Variants in ALG10B observed in about 807,000 individuals in gnomAD.
ALG10B encodes the protein dol-P-Glc:Glc(2)Man(9)GlcNAc(2)-PP-Dol alpha-1,2-glucosyltransferase B.
Under a neutral mutation model 38.7 loss-of-function variants are expected in ALG10B, and 27 were observed. The observed-to-expected ratio is 0.70, with a 90% CI of 0.51 to 0.96. ALG10B has a LOEUF of 0.96. ALG10B is among the 40% of genes least tolerant of loss of function. The pLI is 0.00. For synonymous variants in ALG10B, 177 were observed against 193.3 expected (o/e 0.92, Z 0.70); for missense variants, 522 against 542.7 (o/e 0.96, Z 0.38).
chr12:38,318,431 T>C lies in ALG10B; in HGVS notation c.342T>C (p.Leu114=). The change falls in exon 2 of 3, where the codon CTT becomes CTC. Residue 114 remains leucine (L), a synonymous_variant. Transcript: ENST00000308742. ...SVGNFYLLYL[L]FHKVQPRNKA... is the part of the protein sequence containing the mutation. Reference sequence around the variant, plus strand: ...GCAACTTCTATTTACTATATTTGCTTTTCCACAAGGTACAACCCAGAAACA... The same window carrying C: ...GCAACTTCTATTTACTATATTTGCTCTTCCACAAGGTACAACCCAGAAACA... The C allele has an allele frequency of 6.2e-7, 1 of 1,614,186 alleles. No individual in the cohort carries two copies. Among genetic ancestry groups the C allele is most frequent in the Non-Finnish European group, 8.5e-7 (1 of 1,180,020 alleles).
At position 38,320,867 on chromosome 12, in the gene ALG10B, G is replaced by A; in HGVS notation, c.1076G>A (p.Trp359Ter). 6.2e-7 allele frequency: 1 copy of A among 1,613,296 alleles called. No homozygotes were observed. Among genetic ancestry groups the A allele is most frequent in the Non-Finnish European group, 8.5e-7 (1 of 1,179,784 alleles). ...ADNRHYTFYV[W>*]KRVFQRYAIL... is the part of the protein sequence containing the mutation. ...AATAGACATTATACTTTCTATGTGT[G>A]GAAAAGAGTTTTTCAAAGATATGCA... is the stretch of plus-strand genomic sequence containing the variant. The change falls in exon 3 of 3, where the codon TGG becomes TAG. Residue 359 changes from tryptophan to a stop codon, truncating the protein, a stop_gained. Coordinates refer to ENST00000308742, the MANE Select transcript of ALG10B (RefSeq NM_001013620.4). LOFTEE classifies it high-confidence loss of function.
chr12:38,321,126 A>C lies in ALG10B; in HGVS notation c.1335A>C (p.Ala445=). The change falls in exon 3 of 3, where the codon GCA becomes GCC. Residue 445 remains alanine, a synonymous_variant. Transcript: ENST00000308742. ...SRLVCELSCY[A]IVNFITFYIF... The stretch of plus-strand genomic sequence containing the variant: ...TTGTTTGTGAACTGAGTTGCTATGC[A>C]ATTGTTAATTTCATAACTTTTTACA... The C allele has an allele frequency of 6.2e-6, 10 of 1,613,638 alleles. No individual in the cohort carries two copies. The highest frequency in any genetic ancestry group is 8.5e-6 in the Non-Finnish European group (10 of 1,179,758).
In ALG10B at chr12:38,328,472, T is replaced by G. The variant is rs1945764644; in HGVS notation, c.*7259T>G. 6.6e-6 allele frequency: 1 copy of G among 152,308 alleles called. No homozygotes were observed. Among genetic ancestry groups the G allele is most frequent in the East Asian group, 1.9e-4 (1 of 5,184 alleles). 9.4% of individuals were successfully genotyped at this position (152,308 alleles called of 1,614,324 possible). ...TTTTCCGCCAGTGATAAAAAAAGGC[T>G]GAGCACTATCTGTAAAAATTTTTAA... On this transcript the variant is annotated 3_prime_UTR_variant, in exon 3 of 3. Coordinates refer to ENST00000308742, the MANE Select transcript of ALG10B (RefSeq NM_001013620.4).
At chr12:38,317,631 T>C (rs1385010083) in intron 1 of ALG10B, 1 of 166,972 alleles carries the variant, frequency 6.0e-6, no homozygotes, top group African/African-American at 2.4e-5. Context: ...CATATAAATA[T>C]CAAAATAAAC....
At position 38,321,603 on chromosome 12, in the gene ALG10B, T is replaced by G. The variant is rs1945705735; in HGVS notation, c.*390T>G. 6.5e-6 allele frequency: 1 copy of G among 153,512 alleles called. No homozygotes were observed. The highest frequency in any genetic ancestry group is 2.1e-4 in the South Asian group (1 of 4,832). 9.5% of individuals were successfully genotyped at this position (153,512 alleles called of 1,614,324 possible). ...TAGGTTAGTGCAAAAGTAATTGTGGTTTTTGCCATTGAAAGTAATGGCAAA... is the reference window on the plus strand; with the variant it reads ...TAGGTTAGTGCAAAAGTAATTGTGGGTTTTGCCATTGAAAGTAATGGCAAA... On this transcript the variant is annotated 3_prime_UTR_variant, in exon 3 of 3. Coordinates refer to ENST00000308742, the MANE Select transcript of ALG10B (RefSeq NM_001013620.4).
rs377709931 is a variant in ALG10B at position 38,323,849 on chromosome 12, A to T, written c.*2636A>T. 3.3e-5 allele frequency: 23 copies of T among 698,294 alleles called. No homozygotes were observed. Among genetic ancestry groups the T allele is most frequent in the African/African-American group, 1.4e-4 (8 of 56,892 alleles). The allele number at this position is 698,294 out of a possible 1,614,324, so 43.3% of individuals were successfully genotyped here. On this transcript the variant is annotated 3_prime_UTR_variant, in exon 3 of 3. Coordinates refer to ENST00000308742, the MANE Select transcript of ALG10B (RefSeq NM_001013620.4). ...TCTGGGAAGTCAAAATTGAAAAAAG[A>T]ATGTGTAATTTAGGGAAAGTAACTT...
chr12:38,327,316 T>C lies in ALG10B; in HGVS notation c.*6103T>C, dbSNP rs1238408683. 2 of 152,096 alleles carry C rather than the reference T, an allele frequency of 1.3e-5. No individual in the cohort carries two copies. The highest frequency in any genetic ancestry group is 2.4e-5 in the African/African-American group (1 of 41,402). 9.4% of individuals were successfully genotyped at this position (152,096 alleles called of 1,614,324 possible). A position where few individuals can be genotyped will look rare whatever the true frequency, so the allele number is the denominator to read the frequency against. ...CACAGTGAAACTTAATTCAGTTTAG[T>C]TGAACCATATATGTGTGTGTATGGC... On this transcript the variant is annotated 3_prime_UTR_variant, in exon 3 of 3. Transcript: ENST00000308742.
rs1945750288 is a variant in ALG10B at position 38,327,040 on chromosome 12, TATATATACAA to T, written c.*5836_*5845del. On this transcript the variant is annotated 3_prime_UTR_variant, in exon 3 of 3. Transcript: ENST00000308742. ...AAAAGAAAATACATATATATATATT[TATATATACAA>T]ATATATACGTATTTATATATACAAA... 1 of 149,420 alleles carries T rather than the reference TATATATACAA, an allele frequency of 6.7e-6. No homozygotes were observed. Among genetic ancestry groups the T allele is most frequent in the African/African-American group, 2.4e-5 (1 of 40,986 alleles). 9.3% of individuals were successfully genotyped at this position (149,420 alleles called of 1,614,324 possible). A position where few individuals can be genotyped will look rare whatever the true frequency, so the allele number is the denominator to read the frequency against.
At position 38,320,623 on chromosome 12, in the gene ALG10B, G is replaced by A. The variant is rs774203610; in HGVS notation, c.832G>A (p.Asp278Asn). ...AGTTAATGGTGGAATTGTTATTGGC[G>A]ATCGGAGTAGTCATGAAGCCTGTCT... ...VVVNGGIVIG[D>N]RSSHEACLHF... Residue 278 changes from aspartate to asparagine, a missense_variant, in exon 3 of 3, where the codon GAT becomes AAT. By Grantham distance (23) the Asp-to-Asn change is conservative. Coordinates refer to ENST00000308742, the MANE Select transcript of ALG10B (RefSeq NM_001013620.4). 9 of 1,613,820 alleles carry A rather than the reference G, an allele frequency of 5.6e-6. No homozygotes were observed. The highest frequency in any genetic ancestry group is 2.2e-5 in the South Asian group (2 of 91,074).
rs1470489409 is a variant in ALG10B at position 38,328,695 on chromosome 12, A to C, written c.*7482A>C. On this transcript the variant is annotated 3_prime_UTR_variant, in exon 3 of 3. Transcript: ENST00000308742. ...TAAGATAAATGTAAAAAAAACAAAC[A>C]AAAAAAACCTCACTTTGTGTTTTGT... The C allele has an allele frequency of 2.0e-5, 3 of 149,834 alleles. No individual in the cohort carries two copies. The highest frequency in any genetic ancestry group is 5.1e-5 in the African/African-American group (2 of 39,112). The allele number at this position is 149,834 out of a possible 1,614,324, so 9.3% of individuals were successfully genotyped here. A position where few individuals can be genotyped will look rare whatever the true frequency, so the allele number is the denominator to read the frequency against.
Position 38,320,511 on chromosome 12 carries a change from T to G in ALG10B, c.720T>G (p.Tyr240Ter). The change falls in exon 3 of 3, where the codon TAT becomes TAG. Residue 240 changes from tyrosine (Y) to a stop codon, truncating the protein, a stop_gained. Transcript: ENST00000308742. LOFTEE classifies it high-confidence loss of function. ...AAATTCTTCAGTTTCTTTTGGCTTA[T>G]TCCATGTCCTTTAAAAACTTGAGTA... Reference protein sequence around the residue: ...FRKILQFLLAYSMSFKNLSML... With the variant: ...FRKILQFLLA 6.2e-7 allele frequency: 1 copy of G among 1,614,094 alleles called. No individual in the cohort carries two copies. Among genetic ancestry groups the G allele is most frequent in the South Asian group, 1.1e-5 (1 of 91,076 alleles).
chr12:38,324,079 C>A lies in ALG10B; in HGVS notation c.*2866C>A. 3.2e-6 allele frequency: 2 copies of A among 622,598 alleles called. No homozygotes were observed. The highest frequency in any genetic ancestry group is 5.6e-5 in the East Asian group (2 of 35,794). The allele number at this position is 622,598 out of a possible 1,614,324, so 38.6% of individuals were successfully genotyped here. ...AGAAGTCTCGCTCTTGTCCCCCAGG[C>A]TGGAATGCAATGGCGCGATCTTGGC... On this transcript the variant is annotated 3_prime_UTR_variant, in exon 3 of 3. Coordinates refer to ENST00000308742, the MANE Select transcript of ALG10B (RefSeq NM_001013620.4).
At chr12:38,317,868 T>C (rs1945668915) in intron 1 of ALG10B, 3 of 298,106 alleles carry the variant, frequency 1.0e-5, no homozygotes, top group Non-Finnish European at 1.9e-5. Context: ...ACAATTTCTG[T>C]CTCAGTTTAT....
Position 38,322,402 on chromosome 12 carries a change from C to T in ALG10B, c.*1189C>T, listed in dbSNP as rs1184532951. 21 of 152,196 alleles carry T rather than the reference C, an allele frequency of 1.4e-4. No individual in the cohort carries two copies. The highest frequency in any genetic ancestry group is 2.9e-4 in the Non-Finnish European group (20 of 68,034). 9.4% of individuals were successfully genotyped at this position (152,196 alleles called of 1,614,324 possible). A position where few individuals can be genotyped will look rare whatever the true frequency, so the allele number is the denominator to read the frequency against. On this transcript the variant is annotated 3_prime_UTR_variant, in exon 3 of 3. Coordinates refer to ENST00000308742, the MANE Select transcript of ALG10B (RefSeq NM_001013620.4). ...CATTGTCTCTTCATGGGATACTTTT[C>T]AGTCCATGACAGTTACTAAAGGACA...
In ALG10B at chr12:38,323,177, TA is replaced by T. The variant is rs993428848; in HGVS notation, c.*1966del. The T allele has an allele frequency of 6.6e-6, 1 of 152,132 alleles. No individual in the cohort carries two copies. The highest frequency in any genetic ancestry group is 2.4e-5 in the African/African-American group (1 of 41,426). 9.4% of individuals were successfully genotyped at this position (152,132 alleles called of 1,614,324 possible). On this transcript the variant is annotated 3_prime_UTR_variant, in exon 3 of 3. Coordinates refer to ENST00000308742, the MANE Select transcript of ALG10B (RefSeq NM_001013620.4). ...AATATCTTAGCTGATACCTTTTAAA[TA>T]ACTCTCAGTATCTTTACTGAGAGGT...
In ALG10B at chr12:38,321,122, A is replaced by G; in HGVS notation, c.1331A>G (p.Tyr444Cys). 4 of 1,613,712 alleles carry G rather than the reference A, an allele frequency of 2.5e-6. No homozygotes were observed. Among genetic ancestry groups the G allele is most frequent in the South Asian group, 1.1e-5 (1 of 90,992 alleles). The change falls in exon 3 of 3, where the codon TAT (tyrosine) becomes TGT (cysteine). Residue 444 changes from tyrosine (Y) to cysteine (C), a missense_variant. Coordinates refer to ENST00000308742, the MANE Select transcript of ALG10B (RefSeq NM_001013620.4). ...TSRLVCELSCYAIVNFITFYI... is the reference protein window; with the variant it reads ...TSRLVCELSCCAIVNFITFYI... ...AGACTTGTTTGTGAACTGAGTTGCT[A>G]TGCAATTGTTAATTTCATAACTTTT...
At position 38,320,392 on chromosome 12, in the gene ALG10B, A is replaced by G. The variant is rs1945691146; in HGVS notation, c.601A>G (p.Ile201Val). 7 of 1,614,104 alleles carry G rather than the reference A, an allele frequency of 4.3e-6. No individual in the cohort carries two copies. The highest frequency in any genetic ancestry group is 5.9e-6 in the Non-Finnish European group (7 of 1,179,974). Residue 201 changes from isoleucine (I) to valine (V), a missense_variant, in exon 3 of 3, where the codon ATT becomes GTT. Transcript: ENST00000308742. ...GGCTGTCTTCTGTGCAGGGAATGTCATTGCACAAAAGTTAACTGAGGCTTG... is the reference window on the plus strand; with the variant it reads ...GGCTGTCTTCTGTGCAGGGAATGTCGTTGCACAAAAGTTAACTGAGGCTTG... ...IWAVFCAGNV[I>V]AQKLTEAWKT...
At chr12:38,317,347 A>G (rs1945664813) in intron 1 of ALG10B, 1 of 503,542 alleles carries the variant, frequency 2.0e-6, no homozygotes, top group Non-Finnish European at 3.5e-6. Context: ...TATCGATCCC[A>G]CTTTGTTTTT....
Position 38,327,662 on chromosome 12 carries a change from A to G in ALG10B, c.*6449A>G, listed in dbSNP as rs1945757966. The G allele has an allele frequency of 6.6e-6, 1 of 152,062 alleles. No individual in the cohort carries two copies. The highest frequency in any genetic ancestry group is 1.5e-5 in the Non-Finnish European group (1 of 68,016). 9.4% of individuals were successfully genotyped at this position (152,062 alleles called of 1,614,324 possible). ...AAAGTTTTTTTTCAATTTTTTTTAA[A>G]TCAAAAGAAGTAGTATATGGAGAGA... On this transcript the variant is annotated 3_prime_UTR_variant, in exon 3 of 3. Coordinates refer to ENST00000308742, the MANE Select transcript of ALG10B (RefSeq NM_001013620.4).
Sources: allele counts gnomAD v4.1 joint callset, GRCh38; gene constraint gnomAD v4.1.1; transcripts MANE v1.5; gene names NCBI Gene and HGNC (gene_info 2026-07-23, HGNC 2026-07-21).